Variants in IPO11 observed in about 807,000 individuals in gnomAD.
IPO11 encodes importin-11.
A neutral mutation model predicts 143.2 loss-of-function variants in IPO11; 66 were observed. The ratio of observed to expected loss-of-function variants is 0.46; its 90% CI spans 0.38 to 0.57. The LOEUF is 0.57. Among genes scored for constraint, IPO11 ranks in the 20% least tolerant of loss-of-function variants. The pLI is 0.00. For missense variants in IPO11, 1,026 were observed against 1,141.0 expected (o/e 0.90, Z 1.45); for synonymous variants, 385 against 377.8 (o/e 1.02, Z -0.22).
At chr5:62,624,128 G>C (rs6888917) in intron 29 of IPO11, among the ~76,000 whole-genome samples, 1 of 151,148 alleles carries the variant, frequency 6.6e-6, no homozygotes, top group African/African-American at 2.4e-5. Context: ...TCCACCTCCC[G>C]GGTTCAGGCG....
chr5:62,593,408 A>G (rs962747), intron 28 of IPO11, among the ~76,000 whole-genome samples: 121,626 of 152,108 alleles, frequency 0.8, 49,417 homozygotes, highest in African/African-American at 0.94. Flanking sequence ...CAGCACTTTG[A>G]GAGACTGAGG....
Position 62,621,108 on chromosome 5 carries a change from A to G in IPO11, c.2764-6046A>G, listed in dbSNP as rs183228108. Among the ~76,000 whole-genome samples the G allele has an allele frequency of 1.1e-4, 17 of 152,322 alleles. No homozygotes were observed. In the East Asian group the frequency reaches 3.1e-3, roughly 28 times the overall value. On this transcript the variant is annotated intron_variant, in intron 29 of 29. Coordinates refer to ENST00000325324, the MANE Select transcript of IPO11 (RefSeq NM_016338.5). The stretch of plus-strand genomic sequence containing the variant: ...GTCTGTGTGGCCTAGGAAAAAGAGT[A>G]AAAGAGTTTGATGATGATGATACAA...
At chr5:62,557,463 A>T (rs187624) in intron 26 of IPO11, among the ~76,000 whole-genome samples, 1 of 152,094 alleles carries the variant, frequency 6.6e-6, no homozygotes, top group South Asian at 2.1e-4. Flanking sequence ...GATTACAGGC[A>T]TGGGCCACCA....
intron 27 of IPO11, among the ~76,000 whole-genome samples, chr5:62,583,599 T>A (rs1049599616): frequency 3.3e-5 from 5 of 152,144 alleles, no homozygotes; most frequent in African/African-American, 2.4e-5. Flanking sequence ...TATTTCCTTT[T>A]AAAAAATTTT....
chr5:62,603,007 TTTGTACATATAATAAGTCCTC>T, intron 29 of IPO11, among the ~76,000 whole-genome samples: 3 of 152,172 alleles, frequency 2.0e-5, no homozygotes, highest in Non-Finnish European at 4.4e-5. Context: ...CAAAACAATG[TTTGTACATATAATAAGTCCTC>T]ATTTAACATC....
intron 1 of IPO11, among the ~76,000 whole-genome samples, chr5:62,420,692 A>T (rs1042544965): frequency 3.3e-5 from 5 of 150,744 alleles, no homozygotes; most frequent in Non-Finnish European, 7.4e-5. Context: ...TGATTCTCCC[A>T]TCTCAGCCTC....
chr5:62,559,936 AAAAAAAGAG>A (rs1561363014), intron 26 of IPO11, among the ~76,000 whole-genome samples: 2 of 141,762 alleles, frequency 1.4e-5, no homozygotes, highest in Non-Finnish European at 3.2e-5. Flanking sequence ...AAAAAAAAAA[AAAAAAAGAG>A]AGAGAAAAAC....
At position 62,522,109 on chromosome 5, in the gene IPO11, G is replaced by A. The variant is rs544958446; in HGVS notation, c.1897-4033G>A. 3.3e-5 allele frequency among the ~76,000 whole-genome samples: 5 copies of A among 151,866 alleles called. No homozygotes were observed. In the South Asian group the frequency reaches 8.3e-4, roughly 25 times the overall value. On this transcript the variant is annotated intron_variant, in intron 20 of 29. Coordinates refer to ENST00000325324, the MANE Select transcript of IPO11 (RefSeq NM_016338.5). ...TGCCTTCTCTTATTTACTTATTTAC[G>A]TTCTATTATGAAAAATTTAAAGCAT...
At chr5:62,493,180 A>G (rs570093785) in intron 15 of IPO11, among the ~76,000 whole-genome samples, 28 of 152,354 alleles carry the variant, frequency 1.8e-4, no homozygotes, top group African/African-American at 5.5e-4. Flanking sequence ...TGTACCTCTT[A>G]CAAAATTAGC....
intron 16 of IPO11, among the ~76,000 whole-genome samples, chr5:62,500,359 A>G (rs550220430): frequency 1.3e-5 from 2 of 152,314 alleles, no homozygotes; most frequent in East Asian, 3.9e-4. Flanking sequence ...TTTACAGTTA[A>G]CTTTTTTTTT....
At chr5:62,563,713 A>C (rs922073821) in intron 27 of IPO11, among the ~76,000 whole-genome samples, 1 of 152,174 alleles carries the variant, frequency 6.6e-6, no homozygotes, top group African/African-American at 2.4e-5. Context: ...CAATATTTTA[A>C]ATAATTTTGT....
intron 1 of IPO11, among the ~76,000 whole-genome samples, chr5:62,430,993 T>G (rs531339738): frequency 1.9e-3 from 287 of 151,834 alleles, no homozygotes; most frequent in African/African-American, 6.6e-3. Flanking sequence ...CTTATTTTAT[T>G]TTTTGAGACA....
At chr5:62,614,545 A>G (rs1746055244) in intron 29 of IPO11, among the ~76,000 whole-genome samples, 1 of 152,168 alleles carries the variant, frequency 6.6e-6, no homozygotes, top group Non-Finnish European at 1.5e-5. Context: ...CTCACCCCGC[A>G]GGATATGCGA....
chr5:62,459,567 T>C (rs927665693), intron 5 of IPO11, among the ~76,000 whole-genome samples: 3 of 152,044 alleles, frequency 2.0e-5, no homozygotes, highest in Non-Finnish European at 4.4e-5. Flanking sequence ...CTTTTTTTTT[T>C]TGAGACGGAG....
intron 29 of IPO11, among the ~76,000 whole-genome samples, chr5:62,609,491 G>A (rs1352134951): frequency 2.0e-5 from 3 of 152,220 alleles, no homozygotes; most frequent in Non-Finnish European, 1.5e-5. Flanking sequence ...CATGTATGAT[G>A]TATATCAGGT....
At chr5:62,496,038 C>G (rs1741132796) in intron 16 of IPO11, among the ~76,000 whole-genome samples, 1 of 151,952 alleles carries the variant, frequency 6.6e-6, no homozygotes, top group Non-Finnish European at 1.5e-5. Context: ...GCCTATAATC[C>G]CAGCACTTTG....
intron 16 of IPO11, among the ~76,000 whole-genome samples, chr5:62,501,631 T>A (rs1160233128): frequency 4.6e-5 from 7 of 152,306 alleles, no homozygotes; most frequent in Admixed American, 4.6e-4. Flanking sequence ...CTTATTCATA[T>A]AACATTTCAG....
intron 25 of IPO11, among the ~76,000 whole-genome samples, chr5:62,550,692 C>CA (rs1393819893): frequency 2.6e-5 from 4 of 152,060 alleles, no homozygotes; most frequent in African/African-American, 9.7e-5. Flanking sequence ...ACACAAAAAT[C>CA]ATTTGAAGTA....
At chr5:62,514,963 T>A (rs555045745) in intron 19 of IPO11, among the ~76,000 whole-genome samples, 3 of 152,220 alleles carry the variant, frequency 2.0e-5, no homozygotes, top group Non-Finnish European at 1.5e-5. Flanking sequence ...TGTATCCTTT[T>A]CTGTCCAGTG....
Sources: allele counts gnomAD v4.1 joint callset (sites outside exome capture counted in the v4.1 genomes callset), GRCh38; gene constraint gnomAD v4.1.1; transcripts MANE v1.5; gene names NCBI Gene and HGNC (gene_info 2026-07-23, HGNC 2026-07-21).